The following TMEM44 variants were observed in gnomAD, a reference collection of about 807,000 sequenced individuals.
The protein encoded by TMEM44 is transmembrane protein 44.
In TMEM44, 43 loss-of-function variants were observed where a neutral mutation model predicts 47.8. That is an observed-to-expected ratio of 0.90 (90% confidence interval 0.70 to 1.16). The LOEUF (loss-of-function observed/expected upper bound fraction) is 1.16, where lower values mean the gene tolerates loss of function less well. Ranked by LOEUF, TMEM44 falls within the 50% of genes most tolerant of loss-of-function variation. The pLI, the probability that TMEM44 is intolerant of heterozygous loss-of-function variation, is 0.00. For missense variants in TMEM44, 568 were observed against 555.2 expected (o/e 1.02, Z -0.23); for synonymous variants, 277 against 238.8 (o/e 1.16, Z -1.48).
chr3:194,593,169 T>C, intron 9 of TMEM44: 2 of 1,320,168 alleles, frequency 1.5e-6, no homozygotes, highest in East Asian at 2.3e-5. Context: ...GTCTGCTCAG[T>C]GAGCCAGGAG....
At chr3:194,598,664 A>C (rs1454937050) in intron 9 of TMEM44, among the ~76,000 whole-genome samples, 1 of 152,136 alleles carries the variant, frequency 6.6e-6, no homozygotes, top group Non-Finnish European at 1.5e-5. Context: ...GATTTCAAAC[A>C]CTTTATGAAC....
intron 3 of TMEM44, among the ~76,000 whole-genome samples, chr3:194,625,146 T>C (rs1286046245): frequency 6.6e-6 from 1 of 152,222 alleles, no homozygotes; most frequent in Non-Finnish European, 1.5e-5. Flanking sequence ...CCTGTGGTGG[T>C]GCCCTGTGCC....
At chr3:194,605,106 TTCTATGTATCTATGTATCTA>T (rs1395554700) in intron 8 of TMEM44, among the ~76,000 whole-genome samples, 1 of 152,178 alleles carries the variant, frequency 6.6e-6, no homozygotes, top group Non-Finnish European at 1.5e-5. Context: ...TTGTGAGATT[TTCTATGTATCTATGTATCTA>T]TCTATGTATC....
At position 194,628,384 on chromosome 3, in the gene TMEM44, T is replaced by C. The variant is rs1717398892; in HGVS notation, c.263A>G (p.Gln88Arg). 1 of 1,610,186 alleles carries C rather than the reference T, an allele frequency of 6.2e-7. No homozygotes were observed. The highest frequency in any genetic ancestry group is 8.5e-7 in the Non-Finnish European group (1 of 1,178,278). The change falls in exon 2 of 10, where the codon CAG becomes CGG. Residue 88 changes from glutamine to arginine, a missense_variant and splice_region_variant. Transcript: ENST00000347147. ...CTGTCAGCTGGAGGCCCAACATACC[T>C]GGATTGTGAGCTGTCTGGCCAGAAG... ...GALLARQLTI[Q>R]VFTGAYLAAI...
chr3:194,620,289 CAAAAAAAAAA>C (rs752649203), intron 5 of TMEM44, among the ~76,000 whole-genome samples: 8 of 55,022 alleles, frequency 1.5e-4, no homozygotes, highest in African/African-American at 5.2e-4. Context: ...AACTCCGACT[CAAAAAAAAAA>C]AAAAAAAAAA....
rs1246106255 is a variant in TMEM44, at chr3:194,623,525, T to C, written c.525+4A>G. On this transcript the variant is annotated splice_donor_region_variant and intron_variant, in intron 4 of 9. Transcript: ENST00000347147. ...GAGTCCTCCCCACGGTGGCCCAGCC[T>C]CACCTGCAGCAGGCTCGCTAGCAGC... 6 of 1,582,278 alleles carry C rather than the reference T, an allele frequency of 3.8e-6. No homozygotes were observed. The highest frequency in any genetic ancestry group is 5.1e-6 in the Non-Finnish European group (6 of 1,166,746).
chr3:194,596,206 C>T (rs972143528), intron 9 of TMEM44, among the ~76,000 whole-genome samples: 9 of 151,844 alleles, frequency 5.9e-5, no homozygotes, highest in African/African-American at 1.7e-4. Context: ...GGGCTGGGGT[C>T]GAGTGTTGGA....
Position 194,598,924 on chromosome 3 carries a change from A to G in TMEM44, c.1176+5363T>C, listed in dbSNP as rs139670872. ...AGTGGGAGTCAGAGAGCGTTCACTCATCAACCCAAGGGATCAAACGGAAGC... is the reference window on the plus strand; with the variant it reads ...AGTGGGAGTCAGAGAGCGTTCACTCGTCAACCCAAGGGATCAAACGGAAGC... On this transcript the variant is annotated intron_variant, in intron 9 of 9. Transcript: ENST00000347147. Among the ~76,000 whole-genome samples, 942 of 152,330 alleles carry G rather than the reference A, an allele frequency of 6.2e-3. 9 individuals carry two copies. The highest frequency in any genetic ancestry group is 0.021 in the African/African-American group (861 of 41,574).
intron 5 of TMEM44, among the ~76,000 whole-genome samples, chr3:194,618,991 G>A (rs936381294): frequency 6.6e-6 from 1 of 152,176 alleles, no homozygotes; most frequent in Non-Finnish European, 1.5e-5. Context: ...CTTTCCCATC[G>A]GCCCTTCCTA....
At position 194,604,447 on chromosome 3, in the gene TMEM44, T is replaced by C. The variant is rs753998894; in HGVS notation, c.1018-2A>G. The C allele has an allele frequency of 9.3e-6, 14 of 1,504,802 alleles. 1 individual carries two copies. The South Asian group carries it at 1.5e-4, about 16-fold the overall frequency. The allele number at this position is 1,504,802 out of a possible 1,614,324, so 93.2% of individuals were successfully genotyped here. ...CAGCCTGGTGGCACTGCAGCCTGCC[T>C]GCAAGGTGTGTGAGAAAGGGCAGGC... is the stretch of plus-strand genomic sequence containing the variant. On this transcript the variant is annotated splice_acceptor_variant, in intron 8 of 9. Transcript: ENST00000347147. LOFTEE classifies it high-confidence loss of function.
At chr3:194,629,163 C>CAA (rs879372253) in intron 1 of TMEM44, among the ~76,000 whole-genome samples, 4 of 104,638 alleles carry the variant, frequency 3.8e-5, no homozygotes, top group African/African-American at 1.1e-4. Context: ...GACTCCGTCT[C>CAA]AAAAAAAAAA....
In TMEM44 at chr3:194,608,445, A is replaced by G. The variant is rs80353731; in HGVS notation, c.1017+2471T>C. On this transcript the variant is annotated intron_variant, in intron 8 of 9. Transcript: ENST00000347147. Reference sequence around the variant, plus strand: ...TATAGGCACCAGGAGTCAACGAGACAGGAGATAAAGTTTACATCTCAGCAG... The same window carrying G: ...TATAGGCACCAGGAGTCAACGAGACGGGAGATAAAGTTTACATCTCAGCAG... 5.8e-4 allele frequency among the ~76,000 whole-genome samples: 88 copies of G among 152,386 alleles called. 2 individuals are homozygous for G. In the East Asian group the frequency reaches 0.016, roughly 28 times the overall value.
At chr3:194,624,732 T>TC (rs1716953621) in intron 3 of TMEM44, among the ~76,000 whole-genome samples, 2 of 151,802 alleles carry the variant, frequency 1.3e-5, no homozygotes, top group Admixed American at 6.6e-5. Flanking sequence ...CATCCCCTTT[T>TC]TTTTTTTGAG....
At chr3:194,627,381 C>T (rs925629596) in intron 2 of TMEM44, among the ~76,000 whole-genome samples, 8 of 152,182 alleles carry the variant, frequency 5.3e-5, no homozygotes, top group African/African-American at 1.9e-4. Flanking sequence ...TGAGGTGCCT[C>T]CGCAGGAGGG....
At chr3:194,593,379 G>A (rs1268608189) in intron 9 of TMEM44, among the ~76,000 whole-genome samples, 1 of 152,126 alleles carries the variant, frequency 6.6e-6, no homozygotes, top group Non-Finnish European at 1.5e-5. Context: ...ATTATTAGGA[G>A]GAGTAGCAGT....
At chr3:194,604,157 T>C in intron 9 of TMEM44, 130 bp downstream of exon 9, 2 of 1,225,364 alleles carry the variant, frequency 1.6e-6, no homozygotes, top group Non-Finnish European at 2.3e-6. Flanking sequence ...CCTGGCCTCA[T>C]TCATTATTTA....
intron 9 of TMEM44, chr3:194,596,865 C>T (rs1030733631): frequency 1.3e-5 from 2 of 152,146 alleles, no homozygotes; most frequent in African/African-American, 4.8e-5. Context: ...TTTCCCAGAA[C>T]GAATGATTTG....
At chr3:194,590,959 T>G (rs1246147234) in intron 9 of TMEM44, among the ~76,000 whole-genome samples, 1 of 152,144 alleles carries the variant, frequency 6.6e-6, no homozygotes, top group Non-Finnish European at 1.5e-5. Context: ...TTTGGGAGAC[T>G]GAGGCGGGCA....
chr3:194,610,988 T>A lies in TMEM44; in HGVS notation c.945A>T (p.Ser315=). The change falls in exon 8 of 10, where the codon TCA becomes TCT. Residue 315 remains serine (S), a synonymous_variant. Coordinates refer to ENST00000347147, the MANE Select transcript of TMEM44 (RefSeq NM_001011655.3). ...TCATTGTCCTCAGTGACTTGCAGTG[T>A]GACAGTGTGGTGAGAGGCACCCAAT... ...NLDWVPLTTL[S]HCKSLRTMTA... 3 of 1,614,064 alleles carry A rather than the reference T, an allele frequency of 1.9e-6. No homozygotes were observed. Among genetic ancestry groups the A allele is most frequent in the Non-Finnish European group, 2.5e-6 (3 of 1,180,006 alleles).
Sources: allele counts gnomAD v4.1 joint callset (sites outside exome capture counted in the v4.1 genomes callset), GRCh38; gene constraint gnomAD v4.1.1; transcripts MANE v1.5; gene names NCBI Gene and HGNC (gene_info 2026-07-23, HGNC 2026-07-21).